Variants in GLRA3 observed in about 807,000 individuals in gnomAD.
GLRA3 encodes the protein glycine receptor alpha 3, also known as glycine receptor subunit alpha-3.
Under a neutral mutation model 60.4 loss-of-function variants are expected in GLRA3, and 44 were observed. The observed-to-expected ratio is 0.73, with a 90% CI of 0.57 to 0.94. The LOEUF (loss-of-function observed/expected upper bound fraction) is 0.94, where lower values mean the gene tolerates loss of function less well. Among genes scored for constraint, GLRA3 ranks in the 40% least tolerant of loss-of-function variants. The pLI is 0.00. For synonymous variants in GLRA3, 223 were observed against 192.9 expected (o/e 1.16, Z -1.29); for missense variants, 508 against 564.6 (o/e 0.90, Z 1.02).
Position 174,734,305 on chromosome 4 carries a change from C to T in GLRA3, c.268-5607G>A, listed in dbSNP as rs139168496. ...CCATGCGTCAGGAAGCACAGAATACCGACACCCAATGGTGCAATAATTGCT... is the reference window on the plus strand; with the variant it reads ...CCATGCGTCAGGAAGCACAGAATACTGACACCCAATGGTGCAATAATTGCT... On this transcript the variant is annotated intron_variant, in intron 3 of 9. Coordinates refer to ENST00000274093, the MANE Select transcript of GLRA3 (RefSeq NM_006529.4). Among the ~76,000 whole-genome samples the T allele has an allele frequency of 3.2e-3, 482 of 152,230 alleles. 3 individuals carry two copies. The highest frequency in any genetic ancestry group is 0.011 in the African/African-American group (437 of 41,552).
chr4:174,778,717 A>G (rs1738719007), intron 2 of GLRA3, among the ~76,000 whole-genome samples: 1 of 152,176 alleles, frequency 6.6e-6, no homozygotes, highest in Non-Finnish European at 1.5e-5. Flanking sequence ...GGGGTGACGC[A>G]CCTGGAAAAT....
intron 5 of GLRA3, among the ~76,000 whole-genome samples, chr4:174,709,350 CTGTG>C (rs1476528006): frequency 6.6e-6 from 1 of 151,914 alleles, no homozygotes. Flanking sequence ...GCAGAATTCT[CTGTG>C]TGGTATGTAT....
At chr4:174,730,791 T>C (rs73867688) in intron 3 of GLRA3, among the ~76,000 whole-genome samples, 70 of 152,264 alleles carry the variant, frequency 4.6e-4, no homozygotes, top group African/African-American at 1.7e-3. Context: ...CATATACCCA[T>C]TGTAATGCTC....
intron 1 of GLRA3, among the ~76,000 whole-genome samples, chr4:174,806,120 A>C (rs2111354402): frequency 6.6e-6 from 1 of 152,282 alleles, no homozygotes; most frequent in African/African-American, 2.4e-5. Context: ...TTTTTGATAA[A>C]TCACTTTTTT....
At chr4:174,666,637 T>C (rs1733674840) in intron 7 of GLRA3, among the ~76,000 whole-genome samples, 1 of 151,374 alleles carries the variant, frequency 6.6e-6, no homozygotes, top group Admixed American at 6.6e-5. Flanking sequence ...ATATGGTCTG[T>C]AGATTTCTTA....
At position 174,643,483 on chromosome 4, in the gene GLRA3, GATATT is replaced by G; in HGVS notation, c.*298_*302del. 1.1e-6 allele frequency: 1 copy of G among 930,508 alleles called. No homozygotes were observed. The highest frequency in any genetic ancestry group is 1.2e-6 in the Non-Finnish European group (1 of 804,568). 57.6% of individuals were successfully genotyped at this position (930,508 alleles called of 1,614,324 possible). Reference sequence around the variant, plus strand: ...GTAGTTTTCATGTCTACTATTATGAGATATTATATAACATATAAACACATTGGCAG... The same window carrying G: ...GTAGTTTTCATGTCTACTATTATGAGATATAACATATAAACACATTGGCAG... On this transcript the variant is annotated 3_prime_UTR_variant, in exon 10 of 10. Transcript: ENST00000274093.
In GLRA3 at chr4:174,643,645, C is replaced by T. The variant is rs1237302286; in HGVS notation, c.*141G>A. On this transcript the variant is annotated 3_prime_UTR_variant, in exon 10 of 10. Transcript: ENST00000274093. ...TTTCTCATGACTTTGCATAGCTAAC[C>T]AAAATACAAAGCTTTTCCATATGCC... is the stretch of plus-strand genomic sequence containing the variant. 16 of 1,387,766 alleles carry T rather than the reference C, an allele frequency of 1.2e-5. No individual in the cohort carries two copies. The highest frequency in any genetic ancestry group is 5.8e-5 in the African/African-American group (4 of 69,468). The allele number at this position is 1,387,766 out of a possible 1,614,324, so 86.0% of individuals were successfully genotyped here. A position where few individuals can be genotyped will look rare whatever the true frequency, so the allele number is the denominator to read the frequency against.
intron 7 of GLRA3, among the ~76,000 whole-genome samples, chr4:174,663,937 C>T (rs552099450): frequency 3.3e-5 from 5 of 152,144 alleles, no homozygotes; most frequent in African/African-American, 4.8e-5. Flanking sequence ...AATGCCTCCT[C>T]GGTATAACTC....
At chr4:174,776,729 C>T (rs1738619444) in intron 2 of GLRA3, among the ~76,000 whole-genome samples, 1 of 152,128 alleles carries the variant, frequency 6.6e-6, no homozygotes, top group Non-Finnish European at 1.5e-5. Flanking sequence ...CACTTGTAGA[C>T]ATTTTTTTAG....
chr4:174,668,584 G>A lies in GLRA3; in HGVS notation c.927+8494C>T, dbSNP rs527837678. 2.0e-5 allele frequency among the ~76,000 whole-genome samples: 3 copies of A among 152,202 alleles called. No homozygotes were observed. In the East Asian group the frequency reaches 5.8e-4, roughly 29 times the overall value. ...AATGGGCAAAGATATATTTGATGTG[G>A]CTAGCTAAATTATAACCCAGATGAC... On this transcript the variant is annotated intron_variant, in intron 7 of 9. Transcript: ENST00000274093.
rs552341688 is a variant in GLRA3 at position 174,799,910 on chromosome 4, T to C, written c.72-10967A>G. Reference sequence around the variant, plus strand: ...TCTTCAACTCAAGACAAATGTGAAATAGAAATAGATAAACCAAAGATTCAG... The same window carrying C: ...TCTTCAACTCAAGACAAATGTGAAACAGAAATAGATAAACCAAAGATTCAG... On this transcript the variant is annotated intron_variant, in intron 1 of 9. Transcript: ENST00000274093. Among the ~76,000 whole-genome samples the C allele has an allele frequency of 2.0e-5, 3 of 152,164 alleles. No homozygotes were observed. The South Asian group carries it at 6.2e-4, about 32-fold the overall frequency.
Position 174,721,947 on chromosome 4 carries a change from C to T in GLRA3, c.492-6377G>A, listed in dbSNP as rs73004541. On this transcript the variant is annotated intron_variant, in intron 4 of 9. Coordinates refer to ENST00000274093, the MANE Select transcript of GLRA3 (RefSeq NM_006529.4). ...TATATATAACAAATAGGGAAACTAA[C>T]TTGCCTAAGAGAAAAGATCTACAGA... Among the ~76,000 whole-genome samples the T allele has an allele frequency of 4.4e-3, 671 of 151,648 alleles. 7 individuals are homozygous for T. Among genetic ancestry groups the T allele is most frequent in the African/African-American group, 0.015 (638 of 41,310 alleles).
At chr4:174,675,271 G>A (rs187468471) in intron 7 of GLRA3, among the ~76,000 whole-genome samples, 17 of 152,192 alleles carry the variant, frequency 1.1e-4, no homozygotes, top group Admixed American at 3.3e-4. Flanking sequence ...GGAAATTAAA[G>A]CCTTTTAAAA....
chr4:174,778,876 C>A (rs537165013), intron 2 of GLRA3, among the ~76,000 whole-genome samples: 1 of 152,172 alleles, frequency 6.6e-6, no homozygotes, highest in African/African-American at 2.4e-5. Flanking sequence ...AACTGCAAGG[C>A]GGCAGTGAGG....
chr4:174,732,711 G>C (rs867710468), intron 3 of GLRA3, among the ~76,000 whole-genome samples: 13 of 152,024 alleles, frequency 8.6e-5, no homozygotes, highest in African/African-American at 2.7e-4. Context: ...GCAAATGCTG[G>C]AGATATAATG....
intron 1 of GLRA3, among the ~76,000 whole-genome samples, chr4:174,795,614 CATTT>C (rs1739536381): frequency 6.6e-6 from 1 of 152,018 alleles, no homozygotes; most frequent in South Asian, 2.1e-4. Flanking sequence ...AATTAAAGTG[CATTT>C]ATTTATTATG....
At chr4:174,659,665 A>G (rs978610319) in intron 7 of GLRA3, among the ~76,000 whole-genome samples, 5 of 152,096 alleles carry the variant, frequency 3.3e-5, no homozygotes, top group Admixed American at 6.6e-5. Flanking sequence ...TTTTATAAAG[A>G]CATGTTATAA....
At chr4:174,787,802 C>T (rs1739178469) in intron 2 of GLRA3, among the ~76,000 whole-genome samples, 1 of 152,040 alleles carries the variant, frequency 6.6e-6, no homozygotes, top group African/African-American at 2.4e-5. Context: ...ATGTGATCCA[C>T]AATTTAAATA....
intron 4 of GLRA3, among the ~76,000 whole-genome samples, chr4:174,724,794 AT>A (rs1736259698): frequency 2.0e-5 from 3 of 152,312 alleles, no homozygotes; most frequent in Admixed American, 2.0e-4. Flanking sequence ...TGGGTACAAG[AT>A]TCTCAGATGA....
Sources: gnomAD v4.1 joint callset for allele counts (sites outside exome capture counted in the v4.1 genomes callset) on GRCh38, gnomAD v4.1.1 for gene constraint, MANE v1.5 for transcripts, NCBI Gene and HGNC (gene_info 2026-07-23, HGNC 2026-07-21) for gene names.